KCNH5: variants seen among roughly 807,000 people sequenced by gnomAD.
The protein encoded by KCNH5 is potassium voltage-gated channel subfamily H member 5.
KCNH5 carries 46 observed loss-of-function variants against 96.1 expected under a neutral mutation model. The ratio of observed to expected loss-of-function variants is 0.48; its 90% CI spans 0.38 to 0.61. The LOEUF (loss-of-function observed/expected upper bound fraction) is 0.61, where lower values mean the gene tolerates loss of function less well. Among genes scored for constraint, KCNH5 ranks in the 20% least tolerant of loss-of-function variants. The probability of loss-of-function intolerance (pLI) is 0.00; values close to 1 mark genes in which losing one functional copy is unlikely to be tolerated. For synonymous variants in KCNH5, 439 were observed against 449.8 expected (o/e 0.98, Z 0.30); for missense variants, 907 against 1,225.8 (o/e 0.74, Z 3.88).
At chr14:62,969,761 T>A (rs1487566330) in intron 6 of KCNH5, among the ~76,000 whole-genome samples, 5 of 145,542 alleles carry the variant, frequency 3.4e-5, no homozygotes. Flanking sequence ...AAATTAATTT[T>A]TTTTTTTTTT....
intron 5 of KCNH5, 66 bp downstream of exon 5, chr14:62,987,006 T>C: frequency 9.9e-7 from 1 of 1,009,198 alleles, no homozygotes; most frequent in Admixed American, 1.8e-5. Context: ...CTATATTAAA[T>C]CATTTTAGGG....
In KCNH5 at chr14:62,717,113, A is replaced by G. The variant is rs529029105; in HGVS notation, c.2020-8658T>C. Among the ~76,000 whole-genome samples, 4 of 152,314 alleles carry G rather than the reference A, an allele frequency of 2.6e-5. No homozygotes were observed. In the South Asian group the frequency reaches 6.2e-4, roughly 24 times the overall value. ...AAGTGTAGGAGTTGCACATAGAAAA[A>G]CTACAAAACATAGACATATATTAAA... On this transcript the variant is annotated intron_variant, in intron 10 of 10. Transcript: ENST00000322893.
At chr14:62,764,225 A>T (rs1359731739) in intron 10 of KCNH5, among the ~76,000 whole-genome samples, 5 of 152,262 alleles carry the variant, frequency 3.3e-5, no homozygotes, top group Admixed American at 3.3e-4. Context: ...AACACATGCA[A>T]ATCAATAAAT....
chr14:62,781,583 C>T (rs539154917), intron 9 of KCNH5, among the ~76,000 whole-genome samples: 1 of 152,166 alleles, frequency 6.6e-6, no homozygotes, highest in Non-Finnish European at 1.5e-5. Context: ...GCCAGGTGCG[C>T]ATTCTCTTTC....
chr14:62,912,708 C>T (rs1889194308), intron 7 of KCNH5, among the ~76,000 whole-genome samples: 1 of 152,052 alleles, frequency 6.6e-6, no homozygotes, highest in African/African-American at 2.4e-5. Context: ...ACCTGGCCAT[C>T]TAGATTTCTT....
intron 3 of KCNH5, among the ~76,000 whole-genome samples, chr14:63,003,699 G>A (rs1042718463): frequency 5.5e-4 from 78 of 142,634 alleles, no homozygotes; most frequent in Non-Finnish European, 8.8e-4. Flanking sequence ...GGCTCACTGC[G>A]AGCTCCACCT....
chr14:62,776,156 A>G (rs997632296), intron 10 of KCNH5, among the ~76,000 whole-genome samples: 3 of 151,848 alleles, frequency 2.0e-5, no homozygotes, highest in African/African-American at 7.3e-5. Context: ...AATTCCTGCT[A>G]CTCTGTAGGC....
chr14:62,782,838 A>T (rs80125919), intron 9 of KCNH5, among the ~76,000 whole-genome samples: 2,742 of 152,018 alleles, frequency 0.018, 35 homozygotes, highest in Non-Finnish European at 0.025. Flanking sequence ...AAAATGAAAT[A>T]AAAAAAATAA....
intron 8 of KCNH5, among the ~76,000 whole-genome samples, chr14:62,819,897 G>A (rs1052082086): frequency 1.3e-5 from 2 of 151,858 alleles, no homozygotes; most frequent in Non-Finnish European, 2.9e-5. Flanking sequence ...TTGACTTTAG[G>A]CAAATTTGAT....
chr14:62,919,270 TG>T (rs201103773), intron 7 of KCNH5, among the ~76,000 whole-genome samples: 2,010 of 152,248 alleles, frequency 0.013, 51 homozygotes, highest in African/African-American at 0.046. Context: ...TTCACGAGTA[TG>T]TATTATTTTT....
rs193044197 is a variant in KCNH5 at position 63,021,380 on chromosome 14, A to C, written c.74-4426T>G. On this transcript the variant is annotated intron_variant, in intron 1 of 10. Coordinates refer to ENST00000322893, the MANE Select transcript of KCNH5 (RefSeq NM_139318.5). ...ATGTTTCCCATTGTTCCTAAAGTCTATACTATTACAGTTAGGTCAGTCTCT... is the reference window on the plus strand; with the variant it reads ...ATGTTTCCCATTGTTCCTAAAGTCTCTACTATTACAGTTAGGTCAGTCTCT... Among the ~76,000 whole-genome samples the C allele has an allele frequency of 6.6e-5, 10 of 152,270 alleles. No individual in the cohort carries two copies. In the East Asian group the frequency reaches 1.9e-3, roughly 29 times the overall value.
chr14:62,814,782 CAAAAAAAAAAAAAAA>C (rs71120235), intron 8 of KCNH5, among the ~76,000 whole-genome samples: 2 of 33,748 alleles, frequency 5.9e-5, no homozygotes, highest in Non-Finnish European at 4.7e-5. Context: ...GACTCCATCT[CAAAAAAAAAAAAAAA>C]AAAAAAAAAA....
At chr14:62,963,546 C>G (rs191090539) in intron 6 of KCNH5, among the ~76,000 whole-genome samples, 1 of 128,420 alleles carries the variant, frequency 7.8e-6, no homozygotes, top group Admixed American at 7.3e-5. Flanking sequence ...AATTCCAGTC[C>G]AAAAGCAAGA....
At chr14:62,739,905 A>G (rs1425151350) in intron 10 of KCNH5, among the ~76,000 whole-genome samples, 2 of 152,164 alleles carry the variant, frequency 1.3e-5, no homozygotes, top group Admixed American at 6.6e-5. Flanking sequence ...TAGCTAGGCA[A>G]TCAACATAAA....
intron 7 of KCNH5, among the ~76,000 whole-genome samples, chr14:62,896,555 A>G (rs1888816910): frequency 6.6e-6 from 1 of 152,220 alleles, no homozygotes; most frequent in African/African-American, 2.4e-5. Context: ...ATTCTTCCTA[A>G]GGTAGATTCA....
At chr14:62,906,537 T>TA (rs1003070877) in intron 7 of KCNH5, among the ~76,000 whole-genome samples, 4 of 151,988 alleles carry the variant, frequency 2.6e-5, no homozygotes, top group South Asian at 4.2e-4. Context: ...TATCTTCCTT[T>TA]AAAAAAAAGG....
chr14:62,839,098 G>A (rs1046154958), intron 8 of KCNH5, among the ~76,000 whole-genome samples: 7 of 152,092 alleles, frequency 4.6e-5, no homozygotes, highest in Admixed American at 4.6e-4. Flanking sequence ...TGTGGATGAT[G>A]TAATACAGAC....
At chr14:62,749,148 G>A (rs536987741) in intron 10 of KCNH5, among the ~76,000 whole-genome samples, 2 of 152,270 alleles carry the variant, frequency 1.3e-5, no homozygotes, top group South Asian at 4.1e-4. Context: ...AGAGGCTAAA[G>A]TCTGTGCCCA....
At chr14:63,016,709 T>C (rs1252791279) in intron 2 of KCNH5, 122 bp downstream of exon 2, 2 of 935,712 alleles carry the variant, frequency 2.1e-6, no homozygotes. Context: ...CTCCCTAATA[T>C]TCTAACATAA....
Sources: allele counts gnomAD v4.1 joint callset (sites outside exome capture counted in the v4.1 genomes callset), GRCh38; gene constraint gnomAD v4.1.1; transcripts MANE v1.5; gene names NCBI Gene and HGNC (gene_info 2026-07-23, HGNC 2026-07-21).